Variants in FBLN7 observed in about 807,000 individuals in gnomAD.
The protein encoded by FBLN7 is fibulin 7, also known as fibulin-7.
A neutral mutation model predicts 44.0 loss-of-function variants in FBLN7; 31 were observed. The ratio of observed to expected loss-of-function variants is 0.70; its 90% confidence interval spans 0.53 to 0.95. The LOEUF is 0.95. Among genes scored for constraint, FBLN7 ranks in the 40% least tolerant of loss-of-function variants. The pLI is 0.00. For missense variants in FBLN7, 573 were observed against 618.5 expected (o/e 0.93, Z 0.78); for synonymous variants, 262 against 253.4 (o/e 1.03, Z -0.32).
chr2:112,164,877 G>A (rs1682061461), intron 2 of FBLN7, 124 bp from the exon 3 acceptor site: 4 of 1,073,768 alleles, frequency 3.7e-6, no homozygotes, highest in South Asian at 3.1e-5. Context: ...GACCAGCACA[G>A]TGCACAGCCT....
the FBLN7 span, among the ~76,000 whole-genome samples, chr2:112,239,360 A>G: frequency 2.0e-5 from 3 of 152,228 alleles, no homozygotes; most frequent in African/African-American, 7.2e-5. Context: ...TTTTTAAAAA[A>G]TGACCAAGTA....
the FBLN7 span, chr2:112,215,507 A>G: frequency 6.6e-6 from 1 of 152,088 alleles, no homozygotes; most frequent in Non-Finnish European, 1.5e-5. Flanking sequence ...TTTGATTCCT[A>G]TTTTCAAATA....
intron 2 of FBLN7, among the ~76,000 whole-genome samples, chr2:112,160,545 G>T (rs1573789112): frequency 2.0e-5 from 3 of 152,114 alleles, no homozygotes; most frequent in East Asian, 1.9e-4. Flanking sequence ...TTTCATTTTT[G>T]ATTTTACTTT....
chr2:112,175,620 T>C (rs2104591969), intron 3 of FBLN7, 94 bp from the exon 4 acceptor site: 1 of 1,490,394 alleles, frequency 6.7e-7, no homozygotes, highest in Non-Finnish European at 9.1e-7. Flanking sequence ...TCTCCTACAA[T>C]GTAAAGGAAG....
chr2:112,187,532 G>T lies in FBLN7; in HGVS notation c.*26G>T. ...GGGTACACAGGGGCACTGGGGTGTG[G>T]AGAGCTGACCTCATTTCTCTTCCCC... On this transcript the variant is annotated 3_prime_UTR_variant, in exon 8 of 8. Coordinates refer to ENST00000331203, the MANE Select transcript of FBLN7 (RefSeq NM_153214.3). This position sits in a 1 kb window ranked among gnomAD's most constrained non-coding sequence, Gnocchi z 5.1. 2 of 1,608,592 alleles carry T rather than the reference G, an allele frequency of 1.2e-6. No homozygotes were observed. Among genetic ancestry groups the T allele is most frequent in the Non-Finnish European group, 1.7e-6 (2 of 1,176,366 alleles).
chr2:112,159,577 G>T, intron 1 of FBLN7, 99 bp from the exon 2 acceptor site: 1 of 1,390,762 alleles, frequency 7.2e-7, no homozygotes, highest in Non-Finnish European at 9.5e-7. Context: ...TTCAAACGCG[G>T]TTTGGACCCC....
rs1396087343 is a variant in FBLN7 at position 112,138,679 on chromosome 2, G to T, written c.24G>T (p.Ala8=). Residue 8 remains alanine, a synonymous_variant, in exon 1 of 8, where the codon GCG becomes GCT. Coordinates refer to ENST00000331203, the MANE Select transcript of FBLN7 (RefSeq NM_153214.3). MVPSSPR[A]LFLLLLILAC... Reference sequence around the variant, plus strand: ...AGATGGTGCCCAGCTCTCCGCGCGCGCTCTTCCTTCTGCTCCTGATCCTCG... The same window carrying T: ...AGATGGTGCCCAGCTCTCCGCGCGCTCTCTTCCTTCTGCTCCTGATCCTCG... 2 of 1,613,454 alleles carry T rather than the reference G, an allele frequency of 1.2e-6. No individual in the cohort carries two copies. The highest frequency in any genetic ancestry group is 1.7e-6 in the Non-Finnish European group (2 of 1,179,870).
the FBLN7 span, among the ~76,000 whole-genome samples, chr2:112,200,011 CA>C: frequency 6.6e-6 from 1 of 152,206 alleles, no homozygotes; most frequent in Non-Finnish European, 1.5e-5. Context: ...ATAAGTTACC[CA>C]GTCTGTGGTA....
chr2:112,238,317 T>C, the FBLN7 span: 1 of 1,612,930 alleles, frequency 6.2e-7, no homozygotes. Flanking sequence ...ACTCTTACCC[T>C]GTGGGGTATC....
chr2:112,218,243 G>A, the FBLN7 span, among the ~76,000 whole-genome samples: 1 of 152,148 alleles, frequency 6.6e-6, no homozygotes, highest in African/African-American at 2.4e-5. Flanking sequence ...AATTGTTACT[G>A]CTTCATCAAG....
At chr2:112,154,035 G>A (rs1681295229) in intron 1 of FBLN7, among the ~76,000 whole-genome samples, 1 of 152,184 alleles carries the variant, frequency 6.6e-6, no homozygotes, top group Non-Finnish European at 1.5e-5. Context: ...CCTGGATGGG[G>A]TGACATCTGT....
chr2:112,152,226 G>C (rs1681192527), intron 1 of FBLN7: 1 of 152,272 alleles, frequency 6.6e-6, no homozygotes, highest in Non-Finnish European at 1.5e-5. Context: ...GTGGCTCAGA[G>C]ACCTATGCGG....
At chr2:112,175,490 G>C (rs979781578) in intron 3 of FBLN7, among the ~76,000 whole-genome samples, 2 of 152,240 alleles carry the variant, frequency 1.3e-5, no homozygotes, top group African/African-American at 4.8e-5. Flanking sequence ...GTGTGCCTGG[G>C]TGCAGGGCCT....
intron 2 of FBLN7, among the ~76,000 whole-genome samples, chr2:112,160,754 A>ACACG (rs1681772899): frequency 3.4e-5 from 3 of 87,750 alleles, no homozygotes; most frequent in Admixed American, 1.2e-4. Flanking sequence ...ACGCGCACGC[A>ACACG]CACACGCACG....
In FBLN7 at chr2:112,175,829, G is replaced by A. The variant is rs779483767; in HGVS notation, c.522G>A (p.Gln174=). 7.4e-6 allele frequency: 12 copies of A among 1,613,960 alleles called. No individual in the cohort carries two copies. Among genetic ancestry groups the A allele is most frequent in the Admixed American group, 3.3e-5 (2 of 59,992 alleles). ...GGACTGGGAACCGCTGTCAGCATCA[G>A]GCCCAGACTGGTATGTAGCCACCAT... is the stretch of plus-strand genomic sequence containing the variant. The part of the protein sequence containing the change: ...PGRTGNRCQH[Q]AQTAAPEGSV... Residue 174 remains glutamine (Q), a synonymous_variant, in exon 4 of 8, where the codon CAG becomes CAA. Transcript: ENST00000331203.
chr2:112,197,212 ATGAC>A, the FBLN7 span, among the ~76,000 whole-genome samples: 1 of 143,606 alleles, frequency 7.0e-6, no homozygotes, highest in African/African-American at 2.6e-5. Context: ...TCATCATACA[ATGAC>A]TGGCATCCGT....
At chr2:112,243,292 T>C in the FBLN7 span, among the ~76,000 whole-genome samples, 2 of 152,202 alleles carry the variant, frequency 1.3e-5, no homozygotes, top group East Asian at 3.8e-4. Context: ...CGCCTAACCT[T>C]TGATTGGCAG....
the FBLN7 span, among the ~76,000 whole-genome samples, chr2:112,217,721 T>C: frequency 3.0e-4 from 46 of 152,210 alleles, no homozygotes; most frequent in Non-Finnish European, 1.0e-4. Flanking sequence ...AGATCAGATG[T>C]TCTAAAATTA....
At chr2:112,158,409 A>T (rs1681548252) in intron 1 of FBLN7, among the ~76,000 whole-genome samples, 1 of 151,630 alleles carries the variant, frequency 6.6e-6, no homozygotes, top group Non-Finnish European at 1.5e-5. Flanking sequence ...GGCTCGGCTA[A>T]TTTTTTTGTT....
Sources: allele counts gnomAD v4.1 joint callset (sites outside exome capture counted in the v4.1 genomes callset), GRCh38; gene constraint gnomAD v4.1.1; non-coding constraint Gnocchi (gnomAD v3.1); transcripts MANE v1.5; gene names NCBI Gene and HGNC (gene_info 2026-07-23, HGNC 2026-07-21).